ASXL3: variants seen among roughly 807,000 people sequenced by gnomAD.
The protein encoded by ASXL3 is putative Polycomb group protein ASXL3.
In ASXL3, 34 loss-of-function variants were observed where a neutral mutation model predicts 170.6. The ratio of observed to expected loss-of-function variants is 0.20; its 90% CI spans 0.15 to 0.27. The LOEUF is 0.27. Ranked by LOEUF, ASXL3 falls within the 10% of genes least tolerant of loss-of-function variation. ASXL3 has a pLI of 1.00. For missense variants in ASXL3, 2,592 were observed against 2,695.3 expected (o/e 0.96, Z 0.85); for synonymous variants, 1,002 against 989.1 (o/e 1.01, Z -0.24).
At chr18:33,604,217 C>A (rs1035661725) in intron 1 of ASXL3, among the ~76,000 whole-genome samples, 6 of 152,000 alleles carry the variant, frequency 3.9e-5, no homozygotes, top group Non-Finnish European at 8.8e-5. Context: ...ACTATTAACT[C>A]AATTAACTAT....
intron 8 of ASXL3, among the ~76,000 whole-genome samples, chr18:33,725,042 T>A (rs1437286343): frequency 3.9e-5 from 6 of 152,012 alleles, no homozygotes; most frequent in African/African-American, 7.2e-5. Flanking sequence ...AAGGAAAAAA[T>A]TAAAATTTAC....
In ASXL3 at chr18:33,747,725, G is replaced by C. The variant is rs2067819093; in HGVS notation, c.*1130G>C. On this transcript the variant is annotated 3_prime_UTR_variant, in exon 12 of 12. Coordinates refer to ENST00000269197, the MANE Select transcript of ASXL3 (RefSeq NM_030632.3). ...TTTACAACCTATATAATTCAACTTT[G>C]AAATAACCCTTATTTTGAAAAAAAC... 1 of 152,096 alleles carries C rather than the reference G, an allele frequency of 6.6e-6. No individual in the cohort carries two copies. The highest frequency in any genetic ancestry group is 1.5e-5 in the Non-Finnish European group (1 of 68,016). The allele number at this position is 152,096 out of a possible 1,614,324, so 9.4% of individuals were successfully genotyped here.
At chr18:33,722,825 A>G (rs911989424) in intron 8 of ASXL3, among the ~76,000 whole-genome samples, 6 of 152,178 alleles carry the variant, frequency 3.9e-5, no homozygotes, top group African/African-American at 1.4e-4. Context: ...TTGAAAGGAT[A>G]GGCTTACCCT....
At chr18:33,597,739 G>A (rs924496068) in intron 1 of ASXL3, among the ~76,000 whole-genome samples, 1 of 149,954 alleles carries the variant, frequency 6.7e-6, no homozygotes, top group Admixed American at 6.7e-5. Context: ...GAATAACCTG[G>A]TATAAGTGAA....
intron 8 of ASXL3, among the ~76,000 whole-genome samples, chr18:33,722,849 A>G: frequency 6.6e-6 from 1 of 152,138 alleles, no homozygotes; most frequent in Non-Finnish European, 1.5e-5. Context: ...GTTAGGTGCT[A>G]ATGCAGCTGG....
intron 2 of ASXL3, chr18:33,626,983 G>A (rs1414368288): frequency 6.5e-6 from 1 of 152,856 alleles, no homozygotes; most frequent in East Asian, 1.9e-4. Context: ...CTGCTTTCGT[G>A]TTGGTCATGA....
At chr18:33,667,845 C>G (rs1405387879) in intron 5 of ASXL3, among the ~76,000 whole-genome samples, 1 of 152,180 alleles carries the variant, frequency 6.6e-6, no homozygotes, top group Non-Finnish European at 1.5e-5. Flanking sequence ...TCCCTATTCA[C>G]CATTATAAAT....
intron 1 of ASXL3, among the ~76,000 whole-genome samples, chr18:33,602,514 T>C (rs186503780): frequency 6.6e-6 from 1 of 152,234 alleles, no homozygotes; most frequent in African/African-American, 2.4e-5. Context: ...TTCATCAAAA[T>C]GACATGGACC....
rs188188245 is a variant in ASXL3 at position 33,578,882 on chromosome 18, A to T, written c.54+197A>T. The T allele has an allele frequency of 4.5e-4, 101 of 223,640 alleles. 1 individual carries two copies. In the South Asian group the frequency reaches 0.01, roughly 23 times the overall value. 13.9% of individuals were successfully genotyped at this position (223,640 alleles called of 1,614,324 possible). A position where few individuals can be genotyped will look rare whatever the true frequency, so the allele number is the denominator to read the frequency against. On this transcript the variant is annotated intron_variant, in intron 1 of 11. Transcript: ENST00000269197. ...TGTGCGTGCGCGCGCGGAGGGGCGC[A>T]GCGATTATCTCCGGGAGCCCCGCGT...
intron 8 of ASXL3, among the ~76,000 whole-genome samples, chr18:33,719,139 G>T (rs2067216542): frequency 6.6e-6 from 1 of 152,012 alleles, no homozygotes; most frequent in Non-Finnish European, 1.5e-5. Flanking sequence ...GAAAACAACA[G>T]CAACAATCTT....
intron 1 of ASXL3, among the ~76,000 whole-genome samples, chr18:33,591,884 G>A (rs544718412): frequency 1.1e-4 from 17 of 150,912 alleles, no homozygotes; most frequent in South Asian, 1.0e-3. Flanking sequence ...CTCGTGATCC[G>A]CCTGCCTCAG....
chr18:33,739,584 A>T lies in ASXL3; in HGVS notation c.2180A>T (p.Glu727Val), dbSNP rs751758226. The T allele has an allele frequency of 6.2e-7, 1 of 1,614,032 alleles. No individual in the cohort carries two copies. The stretch of plus-strand genomic sequence containing the variant: ...ATGTCTGACTTACCTTTAACATCAG[A>T]AACTTCTTCAGTGTCTTCCATGCTT... Reference protein sequence around the residue: ...SPMSDLPLTSETSSVSSMLLT... With the variant: ...SPMSDLPLTSVTSSVSSMLLT... The change falls in exon 11 of 12, where the codon GAA (glutamate) becomes GTA (valine). Residue 727 changes from glutamate to valine, a missense_variant. Physicochemically the swap from Glu to Val is moderately radical, Grantham distance 121 (BLOSUM62 -2). Transcript: ENST00000269197.
At chr18:33,594,884 C>T (rs2065111555) in intron 1 of ASXL3, among the ~76,000 whole-genome samples, 2 of 152,144 alleles carry the variant, frequency 1.3e-5, no homozygotes, top group South Asian at 4.1e-4. Context: ...CTATTTAGCA[C>T]AAATCTTGAT....
chr18:33,678,519 GATAA>G (rs771943649), intron 7 of ASXL3, among the ~76,000 whole-genome samples: 43 of 152,182 alleles, frequency 2.8e-4, no homozygotes, highest in Non-Finnish European at 5.6e-4. Context: ...CTGTGGCCAA[GATAA>G]TAGAGAATTT....
intron 7 of ASXL3, among the ~76,000 whole-genome samples, chr18:33,673,833 G>A (rs769623992): frequency 1.1e-4 from 16 of 152,160 alleles, no homozygotes; most frequent in Non-Finnish European, 2.2e-4. Context: ...TAAATATCGT[G>A]TTGCTGAAGT....
intron 1 of ASXL3, among the ~76,000 whole-genome samples, chr18:33,602,251 T>TA (rs1188953736): frequency 6.6e-6 from 1 of 152,038 alleles, no homozygotes; most frequent in Non-Finnish European, 1.5e-5. Flanking sequence ...AAAATTGTCT[T>TA]CCATGAAACC....
chr18:33,742,198 T>A (rs1371406351), intron 11 of ASXL3, among the ~76,000 whole-genome samples: 1 of 152,212 alleles, frequency 6.6e-6, no homozygotes, highest in Non-Finnish European at 1.5e-5. Context: ...TCTCATTCCA[T>A]CTTTAAAACA....
chr18:33,610,317 G>T (rs188976126), intron 2 of ASXL3, among the ~76,000 whole-genome samples: 2 of 152,046 alleles, frequency 1.3e-5, no homozygotes, highest in African/African-American at 2.4e-5. Flanking sequence ...TTGGTAATAT[G>T]CCTGATTAAA....
chr18:33,613,447 A>G (rs1377881951), intron 2 of ASXL3, among the ~76,000 whole-genome samples: 2 of 152,064 alleles, frequency 1.3e-5, no homozygotes, highest in African/African-American at 4.8e-5. Flanking sequence ...ATCCAGGCAT[A>G]TGTTGAAGAT....
Sources: allele counts gnomAD v4.1 joint callset (sites outside exome capture counted in the v4.1 genomes callset), GRCh38; gene constraint gnomAD v4.1.1; transcripts MANE v1.5; gene names NCBI Gene and HGNC (gene_info 2026-07-23, HGNC 2026-07-21).